ARHGDIG: variants seen among roughly 807,000 people sequenced by gnomAD.
ARHGDIG encodes the protein rho GDP-dissociation inhibitor 3.
A neutral mutation model predicts 20.2 loss-of-function variants in ARHGDIG; 14 were observed. The ratio of observed to expected loss-of-function variants is 0.69; its 90% CI spans 0.46 to 1.08. The LOEUF (loss-of-function observed/expected upper bound fraction) is 1.08, where lower values mean the gene tolerates loss of function less well. Ranked by LOEUF, ARHGDIG falls within the 50% of genes least tolerant of loss-of-function variation. ARHGDIG has a pLI of 0.00. For missense variants in ARHGDIG, 311 were observed against 301.8 expected, an observed-to-expected ratio of 1.03 and a Z score of -0.23; for synonymous variants, 193 against 138.6, an observed-to-expected ratio of 1.39 and a Z score of -2.76.
Position 282,903 on chromosome 16 carries a change from TCCC to T in ARHGDIG, c.*91_*93del. The T allele has an allele frequency of 7.7e-7, 1 of 1,302,462 alleles. No homozygotes were observed. The highest frequency in any genetic ancestry group is 2.3e-5 in the Admixed American group (1 of 43,654). The allele number at this position is 1,302,462 out of a possible 1,614,324, so 80.7% of individuals were successfully genotyped here. On this transcript the variant is annotated 3_prime_UTR_variant, in exon 6 of 6. Coordinates refer to ENST00000219409, the MANE Select transcript of ARHGDIG (RefSeq NM_001176.4). ...GCACCCCCCGTGAGTGACCAGACCC[TCCC>T]CTGCTGCCCCTGCTGCCCCTGCTGC... is the stretch of plus-strand genomic sequence containing the variant.
Position 282,982 on chromosome 16 carries a change from C to A in ARHGDIG, c.*168C>A. On this transcript the variant is annotated 3_prime_UTR_variant, in exon 6 of 6. Transcript: ENST00000219409. ...GCCTGGCGCTGTCCCCTGAGCTGTC[C>A]CATTAAACATGGCCCTGTCTCTCTC... 1.1e-6 allele frequency: 1 copy of A among 891,560 alleles called. No homozygotes were observed. The highest frequency in any genetic ancestry group is 1.8e-5 in the South Asian group (1 of 54,580). 55.2% of individuals were successfully genotyped at this position (891,560 alleles called of 1,614,324 possible).
Position 280,870 on chromosome 16 carries a change from C to A in ARHGDIG, c.73+117C>A, listed in dbSNP as rs1467753985. 1.9e-6 allele frequency: 1 copy of A among 533,488 alleles called. No individual in the cohort carries two copies. Among genetic ancestry groups the A allele is most frequent in the Non-Finnish European group, 2.6e-6 (1 of 389,472 alleles). The allele number at this position is 533,488 out of a possible 1,614,324, so 33.0% of individuals were successfully genotyped here. On this transcript the variant is annotated intron_variant, in intron 1 of 5. Transcript: ENST00000219409. The surrounding 1 kb of genome is among the most constrained non-coding windows in gnomAD (Gnocchi z 6.6). The stretch of plus-strand genomic sequence containing the variant: ...TGGGGACCTCGCGGCGCCGACCCCC[C>A]GGCTGGGGTCTGGCAGGGGTGGGGG...
In ARHGDIG at chr16:282,600, C is replaced by G. The variant is rs1477441148; in HGVS notation, c.479-15C>G. 6.3e-7 allele frequency: 1 copy of G among 1,582,128 alleles called. No individual in the cohort carries two copies. The highest frequency in any genetic ancestry group is 1.3e-5 in the African/African-American group (1 of 74,676). ...GGCAGACAGAGGACAGCTCTGATGC[C>G]CTCGCCCTCCCTAGTGGACAAGACC... On this transcript the variant is annotated splice_polypyrimidine_tract_variant and intron_variant, in intron 5 of 5. Transcript: ENST00000219409.
chr16:280,640 G>C lies in ARHGDIG; in HGVS notation c.-41G>C. 1.2e-6 allele frequency: 1 copy of C among 861,604 alleles called. No individual in the cohort carries two copies. Among genetic ancestry groups the C allele is most frequent in the Non-Finnish European group, 1.3e-6 (1 of 753,908 alleles). The allele number at this position is 861,604 out of a possible 1,614,324, so 53.4% of individuals were successfully genotyped here. On this transcript the variant is annotated 5_prime_UTR_variant, in exon 1 of 6. Coordinates refer to ENST00000219409, the MANE Select transcript of ARHGDIG (RefSeq NM_001176.4). The surrounding 1 kb of genome is among the most constrained non-coding windows in gnomAD (Gnocchi z 6.6). ...GCGGGGCGGCGGCGGGGCGGGCGGC[G>C]GCTCCTCGGCGGCTCCGCGGCGCCC... is the stretch of plus-strand genomic sequence containing the variant.
Position 282,931 on chromosome 16 carries a change from C to CCCCTGCTCTGT in ARHGDIG, c.*121_*131dup, listed in dbSNP as rs1331317915. On this transcript the variant is annotated 3_prime_UTR_variant, in exon 6 of 6. Coordinates refer to ENST00000219409, the MANE Select transcript of ARHGDIG (RefSeq NM_001176.4). Reference sequence around the variant, plus strand: ...CCTGCTGCCCCTGCTGCCCCTGCTGCCCCTGCTCTGTCCCGGGACCCCCTG... The same window carrying CCCCTGCTCTGT: ...CCTGCTGCCCCTGCTGCCCCTGCTGCCCCTGCTCTGTCCCTGCTCTGTCCCGGGACCCCCTG... The CCCCTGCTCTGT allele has an allele frequency of 1.8e-6, 2 of 1,141,276 alleles. No individual in the cohort carries two copies. Among genetic ancestry groups the CCCCTGCTCTGT allele is most frequent in the Non-Finnish European group, 2.4e-6 (2 of 846,586 alleles). 70.7% of individuals were successfully genotyped at this position (1,141,276 alleles called of 1,614,324 possible).
In ARHGDIG at chr16:282,802, C is replaced by T; in HGVS notation, c.666C>T (p.Asp222=). ...AGTGGGGTCTCTGCATCTGCCAGGA[C>T]TGGAAGGACTGAACCCCCAGTCCGT... is the stretch of plus-strand genomic sequence containing the variant. ...SWEWGLCICQ[D]WKD Residue 222 remains aspartate (D), a synonymous_variant, in exon 6 of 6, where the codon GAC becomes GAT. Transcript: ENST00000219409. 1 of 1,602,712 alleles carries T rather than the reference C, an allele frequency of 6.2e-7. No individual in the cohort carries two copies. Among genetic ancestry groups the T allele is most frequent in the Non-Finnish European group, 8.5e-7 (1 of 1,176,630 alleles).
chr16:282,670 G>A lies in ARHGDIG; in HGVS notation c.534G>A (p.Glu178=). 1.2e-6 allele frequency: 2 copies of A among 1,602,108 alleles called. No homozygotes were observed. The highest frequency in any genetic ancestry group is 1.7e-6 in the Non-Finnish European group (2 of 1,174,072). The change falls in exon 6 of 6, where the codon GAG becomes GAA. Residue 178 remains glutamate, a synonymous_variant. Coordinates refer to ENST00000219409, the MANE Select transcript of ARHGDIG (RefSeq NM_001176.4). ...GSYGPSAQEY[E]FVTPVEEAPR... Reference sequence around the variant, plus strand: ...ATGGCCCGAGCGCCCAGGAGTATGAGTTTGTGACTCCGGTGGAGGAAGCGC... The same window carrying A: ...ATGGCCCGAGCGCCCAGGAGTATGAATTTGTGACTCCGGTGGAGGAAGCGC...
Position 280,648 on chromosome 16 carries a change from G to C in ARHGDIG, c.-33G>C. ...GCGGCGGGGCGGGCGGCGGCTCCTC[G>C]GCGGCTCCGCGGCGCCCGGGCCGCG... On this transcript the variant is annotated 5_prime_UTR_variant, in exon 1 of 6. Coordinates refer to ENST00000219409, the MANE Select transcript of ARHGDIG (RefSeq NM_001176.4). This position sits in a 1 kb window ranked among gnomAD's most constrained non-coding sequence, Gnocchi z 6.6. 1 of 851,572 alleles carries C rather than the reference G, an allele frequency of 1.2e-6. No homozygotes were observed. Among genetic ancestry groups the C allele is most frequent in the Non-Finnish European group, 1.3e-6 (1 of 766,384 alleles). 52.8% of individuals were successfully genotyped at this position (851,572 alleles called of 1,614,324 possible).
chr16:282,527 C>T lies in ARHGDIG; in HGVS notation c.475C>T (p.Arg159Cys), dbSNP rs762129264. The T allele has an allele frequency of 3.0e-5, 32 of 1,061,792 alleles. No individual in the cohort carries two copies. The highest frequency in any genetic ancestry group is 3.3e-4 in the Middle Eastern group (1 of 2,996). The allele number at this position is 1,061,792 out of a possible 1,614,324, so 65.8% of individuals were successfully genotyped here. The stretch of plus-strand genomic sequence containing the variant: ...GCACCACACCTACCGCCGGGGCCTG[C>T]GCGGTGAGGGCAGCGGTGGGGGGAA... ...CLHHTYRRGL[R>C]VDKTVYMVGS... is the part of the protein sequence containing the mutation. The change falls in exon 5 of 6, where the codon CGC becomes TGC. Residue 159 changes from arginine (R) to cysteine (C), a missense_variant. Arg to Cys is a radical substitution (Grantham distance 180). Transcript: ENST00000219409.
chr16:280,647 C>G lies in ARHGDIG; in HGVS notation c.-34C>G, dbSNP rs1185745308. 1 of 844,486 alleles carries G rather than the reference C, an allele frequency of 1.2e-6. No homozygotes were observed. The highest frequency in any genetic ancestry group is 1.3e-6 in the Non-Finnish European group (1 of 760,264). The allele number at this position is 844,486 out of a possible 1,614,324, so 52.3% of individuals were successfully genotyped here. A position where few individuals can be genotyped will look rare whatever the true frequency, so the allele number is the denominator to read the frequency against. ...GGCGGCGGGGCGGGCGGCGGCTCCT[C>G]GGCGGCTCCGCGGCGCCCGGGCCGC... is the stretch of plus-strand genomic sequence containing the variant. On this transcript the variant is annotated 5_prime_UTR_variant, in exon 1 of 6. Transcript: ENST00000219409. This position sits in a 1 kb window ranked among gnomAD's most constrained non-coding sequence, Gnocchi z 6.6.
Position 282,299 on chromosome 16 carries a change from G to A in ARHGDIG, c.340G>A (p.Asp114Asn). The A allele has an allele frequency of 3.1e-6, 5 of 1,613,300 alleles. No homozygotes were observed. Among genetic ancestry groups the A allele is most frequent in the South Asian group, 1.1e-5 (1 of 91,074 alleles). The change falls in exon 4 of 6, where the codon GAC becomes AAC. Residue 114 changes from aspartate to asparagine, a missense_variant and splice_region_variant. Asp to Asn is a conservative substitution (Grantham distance 23). Transcript: ENST00000219409. The stretch of plus-strand genomic sequence containing the variant: ...CCTAGCTGAGGTTTCCCCAATAGGG[G>A]ACCTGGCTGTTCTGAAGGACCAGGT... Reference protein sequence around the residue: ...PGPVVMDLTGDLAVLKDQVFV... With the variant: ...PGPVVMDLTGNLAVLKDQVFV...
rs2052276296 is a variant in ARHGDIG, at chr16:280,903, C to T, written c.73+150C>T. 3 of 339,360 alleles carry T rather than the reference C, an allele frequency of 8.8e-6. No homozygotes were observed. Among genetic ancestry groups the T allele is most frequent in the South Asian group, 9.0e-5 (1 of 11,070 alleles). 21.0% of individuals were successfully genotyped at this position (339,360 alleles called of 1,614,324 possible). On this transcript the variant is annotated intron_variant, in intron 1 of 5. Coordinates refer to ENST00000219409, the MANE Select transcript of ARHGDIG (RefSeq NM_001176.4). This position sits in a 1 kb window ranked among gnomAD's most constrained non-coding sequence, Gnocchi z 6.6. ...GTCTGGCAGGGGTGGGGGACTTCATCCAGGCTCCAGCCCTGTGGGGAAGGG... is the reference window on the plus strand; with the variant it reads ...GTCTGGCAGGGGTGGGGGACTTCATTCAGGCTCCAGCCCTGTGGGGAAGGG...
chr16:280,618 G>T lies in ARHGDIG; in HGVS notation c.-63G>T. 1 of 790,756 alleles carries T rather than the reference G, an allele frequency of 1.3e-6. No homozygotes were observed. Among genetic ancestry groups the T allele is most frequent in the South Asian group, 5.5e-5 (1 of 18,258 alleles). The allele number at this position is 790,756 out of a possible 1,614,324, so 49.0% of individuals were successfully genotyped here. On this transcript the variant is annotated 5_prime_UTR_variant, in exon 1 of 6. Coordinates refer to ENST00000219409, the MANE Select transcript of ARHGDIG (RefSeq NM_001176.4). The surrounding 1 kb of genome is among the most constrained non-coding windows in gnomAD (Gnocchi z 6.6). Reference sequence around the variant, plus strand: ...TCGCGCCGGGGCTGAGCGCCGAGCGGGGCGGCGGCGGGGCGGGCGGCGGCT... The same window carrying T: ...TCGCGCCGGGGCTGAGCGCCGAGCGTGGCGGCGGCGGGGCGGGCGGCGGCT...
Position 280,828 on chromosome 16 carries a change from A to G in ARHGDIG, c.73+75A>G, listed in dbSNP as rs2141443027. 1 of 1,046,550 alleles carries G rather than the reference A, an allele frequency of 9.6e-7. No individual in the cohort carries two copies. Among genetic ancestry groups the G allele is most frequent in the Non-Finnish European group, 1.2e-6 (1 of 833,662 alleles). 64.8% of individuals were successfully genotyped at this position (1,046,550 alleles called of 1,614,324 possible). A position where few individuals can be genotyped will look rare whatever the true frequency, so the allele number is the denominator to read the frequency against. ...CGGGGAGTAGCCCCTCCCCCGCGGC[A>G]ACTTTGGGGGCGCGCATGGGGACCT... On this transcript the variant is annotated intron_variant, in intron 1 of 5. Transcript: ENST00000219409. The surrounding 1 kb of genome is among the most constrained non-coding windows in gnomAD (Gnocchi z 6.6).
rs554911623 is a variant in ARHGDIG, at chr16:282,652, G to C, written c.516G>C (p.Pro172=). 2.5e-6 allele frequency: 4 copies of C among 1,598,290 alleles called. No homozygotes were observed. The highest frequency in any genetic ancestry group is 1.1e-5 in the South Asian group (1 of 88,808). ...TCTACATGGTGGGCAGCTATGGCCC[G>C]AGCGCCCAGGAGTATGAGTTTGTGA... ...KTVYMVGSYG[P]SAQEYEFVTP... Residue 172 remains proline (P), a synonymous_variant, in exon 6 of 6, where the codon CCG becomes CCC. Transcript: ENST00000219409.
At position 282,946 on chromosome 16, in the gene ARHGDIG, G is replaced by C. The variant is rs536906466; in HGVS notation, c.*132G>C. ...GCCCCTGCTGCCCCTGCTCTGTCCC[G>C]GGACCCCCTGGCCTGGCGCTGTCCC... is the stretch of plus-strand genomic sequence containing the variant. On this transcript the variant is annotated 3_prime_UTR_variant, in exon 6 of 6. Transcript: ENST00000219409. 1 of 937,800 alleles carries C rather than the reference G, an allele frequency of 1.1e-6. No individual in the cohort carries two copies. The highest frequency in any genetic ancestry group is 1.4e-6 in the Non-Finnish European group (1 of 710,126). The allele number at this position is 937,800 out of a possible 1,614,324, so 58.1% of individuals were successfully genotyped here. A position where few individuals can be genotyped will look rare whatever the true frequency, so the allele number is the denominator to read the frequency against.
rs764101027 is a variant in ARHGDIG at position 282,274 on chromosome 16, C to T, written c.338-23C>T. 2.3e-5 allele frequency: 37 copies of T among 1,613,080 alleles called. No individual in the cohort carries two copies. In the East Asian group the frequency reaches 2.9e-4, roughly 13 times the overall value. ...TCTCAGCCTGTAGGGGAGTTCCGACCCTAGCTGAGGTTTCCCCAATAGGGG... is the reference window on the plus strand; with the variant it reads ...TCTCAGCCTGTAGGGGAGTTCCGACTCTAGCTGAGGTTTCCCCAATAGGGG... On this transcript the variant is annotated intron_variant, in intron 3 of 5. Transcript: ENST00000219409.
Position 280,880 on chromosome 16 carries a change from C to T in ARHGDIG, c.73+127C>T, listed in dbSNP as rs1596934545. 2 of 451,434 alleles carry T rather than the reference C, an allele frequency of 4.4e-6. No homozygotes were observed. The highest frequency in any genetic ancestry group is 6.4e-6 in the Non-Finnish European group (2 of 312,942). The allele number at this position is 451,434 out of a possible 1,614,324, so 28.0% of individuals were successfully genotyped here. A position where few individuals can be genotyped will look rare whatever the true frequency, so the allele number is the denominator to read the frequency against. ...GCGGCGCCGACCCCCCGGCTGGGGT[C>T]TGGCAGGGGTGGGGGACTTCATCCA... On this transcript the variant is annotated intron_variant, in intron 1 of 5. Transcript: ENST00000219409. This position sits in a 1 kb window ranked among gnomAD's most constrained non-coding sequence, Gnocchi z 6.6.
At chr16:281,400 C>CCTAGAGGGTCAGTAG (rs1567247532) in intron 1 of ARHGDIG, 2 of 235,350 alleles carry the variant, frequency 8.5e-6, no homozygotes, top group African/African-American at 4.6e-5. Context: ...CGCCGAGGGC[C>CCTAGAGGGTCAGTAG]GCTGCTCTCT....
Sources: allele counts gnomAD v4.1 joint callset, GRCh38; gene constraint gnomAD v4.1.1; non-coding constraint Gnocchi (gnomAD v3.1); transcripts MANE v1.5; gene names NCBI Gene and HGNC (gene_info 2026-07-23, HGNC 2026-07-21).